Variants in CFAP161 observed in about 807,000 individuals in gnomAD.
CFAP161 encodes the protein cilia and flagella associated protein 161, also known as cilia- and flagella-associated protein 161.
A neutral mutation model predicts 29.0 loss-of-function variants in CFAP161; 25 were observed. The ratio of observed to expected loss-of-function variants is 0.86; its 90% CI spans 0.63 to 1.20. The LOEUF (loss-of-function observed/expected upper bound fraction) is 1.20. Ranked by LOEUF, CFAP161 falls within the 50% of genes most tolerant of loss-of-function variation. CFAP161 has a pLI of 0.00. For synonymous variants in CFAP161, 116 were observed against 137.4 expected (o/e 0.84, Z 1.09); for missense variants, 367 against 371.9 (o/e 0.99, Z 0.11).
intron 4 of CFAP161, among the ~76,000 whole-genome samples, chr15:81,139,536 G>A (rs145499350): frequency 5.3e-5 from 8 of 151,944 alleles, no homozygotes; most frequent in Non-Finnish European, 1.0e-4. Context: ...TTCTAAAATA[G>A]CATTTTTAAA....
Position 81,148,644 on chromosome 15 carries a change from C to T in CFAP161, c.*111C>T. 1.0e-6 allele frequency: 1 copy of T among 963,332 alleles called. No homozygotes were observed. The highest frequency in any genetic ancestry group is 1.5e-6 in the Non-Finnish European group (1 of 669,102). The allele number at this position is 963,332 out of a possible 1,614,324, so 59.7% of individuals were successfully genotyped here. A position where few individuals can be genotyped will look rare whatever the true frequency, so the allele number is the denominator to read the frequency against. On this transcript the variant is annotated 3_prime_UTR_variant, in exon 7 of 7. Transcript: ENST00000286732. Reference sequence around the variant, plus strand: ...AGCTATTTTTGAATCAGATGTGGGACTCTCTGGGCACTATATTAAAATAAA... The same window carrying T: ...AGCTATTTTTGAATCAGATGTGGGATTCTCTGGGCACTATATTAAAATAAA...
chr15:81,143,855 G>C (rs928139899), intron 5 of CFAP161, 35 bp downstream of exon 5: 1 of 1,590,828 alleles, frequency 6.3e-7, no homozygotes. Flanking sequence ...GGGTGTCTAG[G>C]CTATGAAATG....
At chr15:81,104,401 T>C (rs1352896049) in intron 1 of CFAP161, among the ~76,000 whole-genome samples, 2 of 152,178 alleles carry the variant, frequency 1.3e-5, no homozygotes, top group African/African-American at 4.8e-5. Flanking sequence ...TCCTAGGCCT[T>C]ACCCAGGTCG....
At chr15:81,109,716 C>A (rs191154249) in intron 1 of CFAP161, among the ~76,000 whole-genome samples, 1 of 152,028 alleles carries the variant, frequency 6.6e-6, no homozygotes, top group South Asian at 2.1e-4. Context: ...AAAAGAATTG[C>A]GTAAGTTACC....
At position 81,136,613 on chromosome 15, in the gene CFAP161, T is replaced by C; in HGVS notation, c.257T>C (p.Leu86Pro). 6.2e-7 allele frequency: 1 copy of C among 1,614,212 alleles called. No individual in the cohort carries two copies. Among genetic ancestry groups the C allele is most frequent in the South Asian group, 1.1e-5 (1 of 91,082 alleles). Residue 86 changes from leucine to proline, a missense_variant, in exon 3 of 7, where the codon CTG becomes CCG. By Grantham distance (98) the Leu-to-Pro change is moderately conservative. Coordinates refer to ENST00000286732, the MANE Select transcript of CFAP161 (RefSeq NM_173528.4). Reference sequence around the variant, plus strand: ...CCTGACACAGAAGCTGATGTGTTTCTGCGTGGGGACCTGAGCCTGTGTATG... The same window carrying C: ...CCTGACACAGAAGCTGATGTGTTTCCGCGTGGGGACCTGAGCCTGTGTATG... The part of the protein sequence containing the change: ...DDPDTEADVF[L>P]RGDLSLCMTP...
intron 1 of CFAP161, among the ~76,000 whole-genome samples, chr15:81,119,426 C>T (rs1250913063): frequency 1.3e-5 from 2 of 151,870 alleles, no homozygotes; most frequent in African/African-American, 4.8e-5. Context: ...CACACAAATA[C>T]AGCTTTAGAA....
Position 81,143,904 on chromosome 15 carries a change from G to A in CFAP161, c.636+84G>A, listed in dbSNP as rs1333948094. On this transcript the variant is annotated intron_variant, in intron 5 of 6. Coordinates refer to ENST00000286732, the MANE Select transcript of CFAP161 (RefSeq NM_173528.4). Reference sequence around the variant, plus strand: ...CCTGTCTATAACACACAGACTTATAGCTCAAATGCCTTATGACTTTCTCTC... The same window carrying A: ...CCTGTCTATAACACACAGACTTATAACTCAAATGCCTTATGACTTTCTCTC... 1.1e-5 allele frequency: 15 copies of A among 1,413,468 alleles called. No homozygotes were observed. In the East Asian group the frequency reaches 3.5e-4, roughly 33 times the overall value. The allele number at this position is 1,413,468 out of a possible 1,614,324, so 87.6% of individuals were successfully genotyped here.
At chr15:81,133,204 TATATATATATATATATATATGTA>T (rs1429228746), upstream of CFAP161, among the ~76,000 whole-genome samples, 1,139 of 67,104 alleles carry the variant, frequency 0.017, 68 homozygotes, top group African/African-American at 0.05. Context: ...TATATATATA[TATATATATATATATATATATGTA>T]TTTTTTTTTA....
At chr15:81,148,242 C>A in intron 6 of CFAP161, 96 bp from the exon 7 acceptor site, 1 of 1,233,710 alleles carries the variant, frequency 8.1e-7, no homozygotes, top group Non-Finnish European at 1.2e-6. Flanking sequence ...TCTAGCAATC[C>A]GCTTCTTAAG....
chr15:81,125,064 T>C (rs938876241), intron 1 of CFAP161, among the ~76,000 whole-genome samples: 3 of 151,210 alleles, frequency 2.0e-5, no homozygotes, highest in African/African-American at 7.3e-5. Context: ...AACATAACTT[T>C]AAGATTTCCA....
chr15:81,131,136 TAAAAAAAA>T (rs34706078), upstream of CFAP161, among the ~76,000 whole-genome samples: 1 of 130,914 alleles, frequency 7.6e-6, no homozygotes, highest in Admixed American at 7.7e-5. Flanking sequence ...CTTCAATTTG[TAAAAAAAA>T]AAAAAAAAAA....
intron 1 of CFAP161, among the ~76,000 whole-genome samples, chr15:81,105,761 A>G (rs1894365543): frequency 6.6e-6 from 1 of 152,228 alleles, no homozygotes; most frequent in Non-Finnish European, 1.5e-5. Context: ...TATTAAGTCC[A>G]CGTGATGTGC....
At chr15:81,134,871 C>T (rs925274837) in intron 1 of CFAP161, among the ~76,000 whole-genome samples, 5 of 152,090 alleles carry the variant, frequency 3.3e-5, no homozygotes, top group African/African-American at 7.2e-5. Flanking sequence ...CTCACTGCCT[C>T]GTATTCTCCC....
chr15:81,102,307 A>G (rs1214292907), intron 1 of CFAP161, among the ~76,000 whole-genome samples: 1 of 152,302 alleles, frequency 6.6e-6, no homozygotes, highest in South Asian at 2.1e-4. Flanking sequence ...GTTCCAGCAC[A>G]AGACCTTTTG....
chr15:81,138,003 C>T, intron 3 of CFAP161, 48 bp from the exon 4 acceptor site: 1 of 1,399,664 alleles, frequency 7.1e-7, no homozygotes, highest in Non-Finnish European at 1.0e-6. Flanking sequence ...TAGAATGATT[C>T]TAATACAGAG....
chr15:81,113,396 C>T lies in CFAP161; in HGVS notation c.-141-14194C>T, dbSNP rs78890956. Among the ~76,000 whole-genome samples, 1,489 of 152,244 alleles carry T rather than the reference C, an allele frequency of 9.8e-3. 24 individuals carry two copies. Among genetic ancestry groups the T allele is most frequent in the African/African-American group, 0.033 (1,372 of 41,534 alleles). ...TTAAATTCCACTCTGACATTAACTA[C>T]CTGGAGTTAGTGTCAGATTTCACAG... On this transcript the variant is annotated intron_variant, in intron 1 of 4. Transcript: ENST00000560091.
At chr15:81,136,055 G>A (rs1170515457) in intron 2 of CFAP161, among the ~76,000 whole-genome samples, 2 of 152,152 alleles carry the variant, frequency 1.3e-5, no homozygotes. Flanking sequence ...TATATGTTAA[G>A]CAAGAAAAAA....
At chr15:81,124,452 G>C (rs1894614989) in intron 1 of CFAP161, among the ~76,000 whole-genome samples, 1 of 147,212 alleles carries the variant, frequency 6.8e-6, no homozygotes, top group Non-Finnish European at 1.5e-5. Context: ...TGTTCACCAA[G>C]GATACTGGCA....
At chr15:81,133,168 T>G (rs1445275280), upstream of CFAP161, among the ~76,000 whole-genome samples, 1 of 129,938 alleles carries the variant, frequency 7.7e-6, no homozygotes, top group Non-Finnish European at 1.6e-5. Context: ...TCCATGGCCC[T>G]TCATCAGCAT....
Sources: allele counts gnomAD v4.1 joint callset (sites outside exome capture counted in the v4.1 genomes callset), GRCh38; gene constraint gnomAD v4.1.1; transcripts MANE v1.5; gene names NCBI Gene and HGNC (gene_info 2026-07-23, HGNC 2026-07-21).